G3BP2: variants seen among roughly 807,000 people sequenced by gnomAD.
The protein encoded by G3BP2 is G3BP stress granule assembly factor 2, also known as ras GTPase-activating protein-binding protein 2.
In G3BP2, 11 loss-of-function variants were observed where a neutral mutation model predicts 56.7. The observed-to-expected ratio is 0.19, with a 90% CI of 0.12 to 0.32. The LOEUF (loss-of-function observed/expected upper bound fraction) is 0.32, where lower values mean the gene tolerates loss of function less well. Ranked by LOEUF, G3BP2 falls within the 10% of genes least tolerant of loss-of-function variation. G3BP2 has a pLI of 1.00. For synonymous variants in G3BP2, 165 were observed against 191.6 expected (o/e 0.86, Z 1.15); for missense variants, 340 against 610.9 (o/e 0.56, Z 4.67).
intron 3 of G3BP2, among the ~76,000 whole-genome samples, chr4:75,691,483 A>G (rs1718854258): frequency 6.6e-6 from 1 of 152,210 alleles, no homozygotes; most frequent in African/African-American, 2.4e-5. Flanking sequence ...TACTGGGATT[A>G]CAGGCGTGAG....
intron 3 of G3BP2, among the ~76,000 whole-genome samples, chr4:75,682,941 G>A (rs961096189): frequency 1.5e-4 from 23 of 150,636 alleles, no homozygotes; most frequent in Admixed American, 2.7e-4. Context: ...CTGAGATGGC[G>A]CCATTGCACT....
chr4:75,724,264 A>T (rs973778821), intron 1 of G3BP2: 2 of 154,108 alleles, frequency 1.3e-5, no homozygotes, highest in African/African-American at 4.8e-5. Context: ...CTCAGGCGCC[A>T]GGAAGCCTTA....
chr4:75,655,578 A>G (rs527996427), intron 6 of G3BP2, among the ~76,000 whole-genome samples, 190 bp downstream of exon 6: 1 of 152,362 alleles, frequency 6.6e-6, no homozygotes, highest in African/African-American at 2.4e-5. Context: ...TTTTGGTGCA[A>G]GCCATGTTCA....
intron 3 of G3BP2, among the ~76,000 whole-genome samples, chr4:75,702,350 C>T (rs1368620234): frequency 6.6e-6 from 1 of 152,054 alleles, no homozygotes; most frequent in Non-Finnish European, 1.5e-5. Flanking sequence ...TGCCATGTTG[C>T]CTAGGCTGGT....
At chr4:75,658,504 G>A (rs1300181843) in intron 3 of G3BP2, among the ~76,000 whole-genome samples, 4 of 151,904 alleles carry the variant, frequency 2.6e-5, no homozygotes, top group South Asian at 2.1e-4. Context: ...GCTGAGGCGG[G>A]CAGATCACCT....
chr4:75,655,394 T>C (rs1732016562), intron 6 of G3BP2, 148 bp from the exon 7 acceptor site: 7 of 645,182 alleles, frequency 1.1e-5, no homozygotes, highest in Non-Finnish European at 1.9e-5. Flanking sequence ...CAAAAAGAGC[T>C]ATAAGACAGA....
intron 8 of G3BP2, among the ~76,000 whole-genome samples, chr4:75,653,101 T>C (rs1441146091): frequency 6.9e-6 from 1 of 145,120 alleles, no homozygotes; most frequent in Non-Finnish European, 1.5e-5. Context: ...AATACCCAAA[T>C]GAAAAAAAAA....
At chr4:75,710,377 C>T (rs1464214699) in intron 3 of G3BP2, among the ~76,000 whole-genome samples, 1 of 152,184 alleles carries the variant, frequency 6.6e-6, no homozygotes, top group East Asian at 1.9e-4. Context: ...CTGGGAAACA[C>T]TTCCTCTATA....
intron 3 of G3BP2, among the ~76,000 whole-genome samples, chr4:75,679,048 C>T (rs1323701623): frequency 6.6e-6 from 1 of 152,220 alleles, no homozygotes; most frequent in African/African-American, 2.4e-5. Context: ...CACATTATCT[C>T]ATTTCAATTT....
Position 75,661,919 on chromosome 4 carries a change from T to C in G3BP2, c.95+12A>G. ...GTAGATAAAAATACCAAATTATTTG[T>C]TTAAAATTTACCTGTGTAAATATTC... On this transcript the variant is annotated intron_variant, in intron 2 of 11. Transcript: ENST00000359707. The C allele has an allele frequency of 1.5e-6, 2 of 1,345,702 alleles. No homozygotes were observed. The highest frequency in any genetic ancestry group is 2.1e-6 in the Non-Finnish European group (2 of 937,476). The allele number at this position is 1,345,702 out of a possible 1,614,324, so 83.4% of individuals were successfully genotyped here. A position where few individuals can be genotyped will look rare whatever the true frequency, so the allele number is the denominator to read the frequency against.
chr4:75,669,319 C>T (rs1318652171), intron 1 of G3BP2, among the ~76,000 whole-genome samples: 1 of 152,182 alleles, frequency 6.6e-6, no homozygotes, highest in Non-Finnish European at 1.5e-5. Context: ...TTAAAAGTGT[C>T]ATAATCTTCT....
At chr4:75,660,759 C>T (rs916058729) in intron 2 of G3BP2, among the ~76,000 whole-genome samples, 8 of 152,130 alleles carry the variant, frequency 5.3e-5, no homozygotes, top group African/African-American at 1.9e-4. Context: ...TATATTTATC[C>T]TTAACCCATC....
chr4:75,677,351 T>A (rs778763828), upstream of G3BP2, among the ~76,000 whole-genome samples: 1 of 151,730 alleles, frequency 6.6e-6, no homozygotes, highest in Non-Finnish European at 1.5e-5. Context: ...GGTGGGTGGA[T>A]CACGAGGTCA....
At position 75,643,903 on chromosome 4, in the gene G3BP2, A is replaced by G. The variant is rs769165289; in HGVS notation, c.*1527T>C. The G allele has an allele frequency of 7.2e-5, 11 of 152,668 alleles. No individual in the cohort carries two copies. The highest frequency in any genetic ancestry group is 1.3e-4 in the Non-Finnish European group (9 of 68,050). The allele number at this position is 152,668 out of a possible 1,614,324, so 9.5% of individuals were successfully genotyped here. Reference sequence around the variant, plus strand: ...CTTGTGGTTTACTGGAACTTGCTATAAAGACAGACAATAATCCAGCAGCTA... The same window carrying G: ...CTTGTGGTTTACTGGAACTTGCTATGAAGACAGACAATAATCCAGCAGCTA... On this transcript the variant is annotated 3_prime_UTR_variant, in exon 12 of 12. Coordinates refer to ENST00000359707, the MANE Select transcript of G3BP2 (RefSeq NM_203505.3).
chr4:75,674,291 G>A (rs1733743103), upstream of G3BP2, among the ~76,000 whole-genome samples: 2 of 152,124 alleles, frequency 1.3e-5, no homozygotes, highest in African/African-American at 2.4e-5. Context: ...AAACGGAAAG[G>A]AAAAAATACA....
chr4:75,718,134 CA>C (rs141677439), intron 3 of G3BP2, among the ~76,000 whole-genome samples: 12 of 144,906 alleles, frequency 8.3e-5, no homozygotes, highest in East Asian at 2.0e-4. Flanking sequence ...GACTCCGTCG[CA>C]AAAAAAAAAT....
In G3BP2 at chr4:75,645,384, A is replaced by G; in HGVS notation, c.*46T>C. On this transcript the variant is annotated 3_prime_UTR_variant, in exon 12 of 12. Coordinates refer to ENST00000359707, the MANE Select transcript of G3BP2 (RefSeq NM_203505.3). ...AAAAAAAATTAACAAGAATGCAAAC[A>G]CGATGAATAATGTACCACTGCCAAG... is the stretch of plus-strand genomic sequence containing the variant. 1.3e-6 allele frequency: 2 copies of G among 1,546,506 alleles called. No homozygotes were observed. The highest frequency in any genetic ancestry group is 1.7e-6 in the Non-Finnish European group (2 of 1,143,112).
At chr4:75,708,671 A>G (rs754947363) in intron 3 of G3BP2, among the ~76,000 whole-genome samples, 1 of 152,190 alleles carries the variant, frequency 6.6e-6, no homozygotes, top group Non-Finnish European at 1.5e-5. Flanking sequence ...GATCTTCTCC[A>G]TTAAGTTACA....
chr4:75,653,487 A>G (rs1333043977), intron 8 of G3BP2, among the ~76,000 whole-genome samples: 1 of 151,754 alleles, frequency 6.6e-6, no homozygotes. Context: ...CACTACAGTC[A>G]TAAGTTGGTA....
Sources: gnomAD v4.1 joint callset for allele counts (sites outside exome capture counted in the v4.1 genomes callset) on GRCh38, gnomAD v4.1.1 for gene constraint, MANE v1.5 for transcripts, NCBI Gene and HGNC (gene_info 2026-07-23, HGNC 2026-07-21) for gene names.